Variants in SLC36A1 observed in about 807,000 individuals in gnomAD.
The protein encoded by SLC36A1 is proton-coupled amino acid transporter 1.
A neutral mutation model predicts 47.5 loss-of-function variants in SLC36A1; 30 were observed. That is an observed-to-expected ratio of 0.63 (90% CI 0.47 to 0.86). The LOEUF is 0.86. Ranked by LOEUF, SLC36A1 falls within the 40% of genes least tolerant of loss-of-function variation. SLC36A1 has a pLI of 0.00. For missense variants in SLC36A1, 517 were observed against 606.0 expected, an observed-to-expected ratio of 0.85 and a Z score of 1.54; for synonymous variants, 255 against 249.7, an observed-to-expected ratio of 1.02 and a Z score of -0.20.
upstream of SLC36A1, among the ~76,000 whole-genome samples, chr5:151,436,409 AG>A (rs1450205624): frequency 3.9e-5 from 6 of 152,048 alleles, no homozygotes; most frequent in Non-Finnish European, 7.4e-5. Flanking sequence ...GTGGATGTTG[AG>A]GGCCACCCCA....
At chr5:151,464,438 A>C (rs1009428808) in intron 3 of SLC36A1, 76 bp from the exon 4 acceptor site, 2 of 1,294,286 alleles carry the variant, frequency 1.5e-6, no homozygotes, top group South Asian at 2.4e-5. Flanking sequence ...TCCTTTGTGA[A>C]CTGAGTATCC....
chr5:151,487,997 C>A lies in SLC36A1; in HGVS notation c.1174C>A (p.Leu392Ile). The part of the protein sequence containing the change: ...LVCLTCILAI[L>I]IPRLDLVISL... ...TCTCCCTGCAGGCATCTTGGCCATCCTCATCCCCCGCCTGGACCTGGTCAT... is the reference window on the plus strand; with the variant it reads ...TCTCCCTGCAGGCATCTTGGCCATCATCATCCCCCGCCTGGACCTGGTCAT... The change falls in exon 11 of 11, where the codon CTC becomes ATC. Residue 392 changes from leucine to isoleucine, a missense_variant. Transcript: ENST00000243389. 6.2e-7 allele frequency: 1 copy of A among 1,614,084 alleles called. No homozygotes were observed. Among genetic ancestry groups the A allele is most frequent in the Non-Finnish European group, 8.5e-7 (1 of 1,180,006 alleles).
chr5:151,518,368 A>T, the SLC36A1 span, among the ~76,000 whole-genome samples: 625 of 82,388 alleles, frequency 7.6e-3, 3 homozygotes, highest in East Asian at 0.024. Context: ...TAATAATAAT[A>T]ATAATAATTT....
At chr5:151,545,213 C>T in the SLC36A1 span, 1 of 1,614,222 alleles carries the variant, frequency 6.2e-7, no homozygotes, top group South Asian at 1.1e-5. Flanking sequence ...GCCCAGTAGA[C>T]ATCCTGATCA....
chr5:151,528,064 G>A, the SLC36A1 span: 1 of 1,614,222 alleles, frequency 6.2e-7, no homozygotes, highest in Non-Finnish European at 8.5e-7. Context: ...AAGTGCCCAA[G>A]CTGGTTCCCT....
chr5:151,502,613 A>G, the SLC36A1 span, among the ~76,000 whole-genome samples: 1 of 148,226 alleles, frequency 6.7e-6, no homozygotes, highest in Non-Finnish European at 1.5e-5. Flanking sequence ...CGCACCGCAC[A>G]CCCATTAGAA....
chr5:151,355,842 C>T, the SLC36A1 span, among the ~76,000 whole-genome samples: 1 of 152,114 alleles, frequency 6.6e-6, no homozygotes, highest in South Asian at 2.1e-4. Flanking sequence ...AGAAAATACA[C>T]ATGCATACAC....
At chr5:151,455,881 TG>T (rs1754422496) in intron 1 of SLC36A1, among the ~76,000 whole-genome samples, 1 of 152,186 alleles carries the variant, frequency 6.6e-6, no homozygotes, top group South Asian at 2.1e-4. Context: ...GGATTATTGA[TG>T]GGCTGTACAT....
chr5:151,388,618 G>T, the SLC36A1 span, among the ~76,000 whole-genome samples: 2 of 152,054 alleles, frequency 1.3e-5, no homozygotes, highest in South Asian at 2.1e-4. Context: ...TCTCTTGAGG[G>T]TTGTGTCATG....
At chr5:151,369,439 A>G in the SLC36A1 span, among the ~76,000 whole-genome samples, 73 of 152,372 alleles carry the variant, frequency 4.8e-4, no homozygotes, top group Non-Finnish European at 9.3e-4. Context: ...TAGATCTTCA[A>G]ATTCAAGCTG....
intron 1 of SLC36A1, among the ~76,000 whole-genome samples, chr5:151,449,456 G>A (rs964709652): frequency 1.3e-5 from 2 of 152,204 alleles, no homozygotes; most frequent in African/African-American, 4.8e-5. Flanking sequence ...ACAGCTTTAA[G>A]CCTCTCCCTT....
chr5:151,447,731 C>G lies in SLC36A1; in HGVS notation c.-88C>G, dbSNP rs1336717702. The stretch of plus-strand genomic sequence containing the variant: ...GGGGCCAGAACCCGAGCAGTGAGTT[C>G]CTCCACTGGCTGCCGGCTGGCGGCG... On this transcript the variant is annotated 5_prime_UTR_variant, in exon 1 of 11. Transcript: ENST00000243389. 1 of 73,870 alleles carries G rather than the reference C, an allele frequency of 1.4e-5. No homozygotes were observed. Among genetic ancestry groups the G allele is most frequent in the South Asian group, 4.8e-4 (1 of 2,100 alleles). 4.6% of individuals were successfully genotyped at this position (73,870 alleles called of 1,614,324 possible).
At chr5:151,346,156 A>G in the SLC36A1 span, among the ~76,000 whole-genome samples, 2 of 152,184 alleles carry the variant, frequency 1.3e-5, no homozygotes, top group African/African-American at 4.8e-5. Context: ...TCAGTTCAGG[A>G]CACAAGAGAC....
the SLC36A1 span, among the ~76,000 whole-genome samples, chr5:151,396,668 T>C: frequency 6.7e-6 from 1 of 149,552 alleles, no homozygotes; most frequent in Non-Finnish European, 1.5e-5. Flanking sequence ...GGATTAAATA[T>C]GAATGGGATA....
At chr5:151,416,164 C>A in the SLC36A1 span, among the ~76,000 whole-genome samples, 1 of 152,132 alleles carries the variant, frequency 6.6e-6, no homozygotes, top group Non-Finnish European at 1.5e-5. Flanking sequence ...GACTTTAAGT[C>A]CCCACATGCT....
the SLC36A1 span, chr5:151,525,973 CGA>C: frequency 1.9e-6 from 3 of 1,613,478 alleles, no homozygotes; most frequent in Non-Finnish European, 2.5e-6. Context: ...CTCCTGAGAC[CGA>C]GAGTGACAAA....
chr5:151,550,961 T>C, the SLC36A1 span: 1 of 1,147,058 alleles, frequency 8.7e-7, no homozygotes, highest in Non-Finnish European at 1.3e-6. Context: ...CACCCAGGCC[T>C]AGCACAGTGC....
intron 1 of SLC36A1, chr5:151,437,249 G>A (rs1759821004): frequency 6.6e-6 from 1 of 152,194 alleles, no homozygotes; most frequent in Non-Finnish European, 1.5e-5. Context: ...AGGGGCTACA[G>A]CTTTGGAGAA....
chr5:151,454,965 A>T lies in SLC36A1; in HGVS notation c.-5-3823A>T, dbSNP rs533427387. ...AGGTGGAACCTTCTCAGTGCTTTCA[A>T]CCATTCCTCATTTAGTTGGTTTCCT... is the stretch of plus-strand genomic sequence containing the variant. On this transcript the variant is annotated intron_variant, in intron 1 of 10. Coordinates refer to ENST00000243389, the MANE Select transcript of SLC36A1 (RefSeq NM_078483.4). Among the ~76,000 whole-genome samples the T allele has an allele frequency of 2.0e-5, 3 of 152,130 alleles. No homozygotes were observed. In the South Asian group the frequency reaches 6.2e-4, roughly 32 times the overall value.
Sources: allele counts gnomAD v4.1 joint callset (sites outside exome capture counted in the v4.1 genomes callset), GRCh38; gene constraint gnomAD v4.1.1; transcripts MANE v1.5; gene names NCBI Gene and HGNC (gene_info 2026-07-23, HGNC 2026-07-21).